The following PRKCB variants were observed in gnomAD, a reference collection of about 807,000 sequenced individuals.
PRKCB encodes the protein protein kinase C beta type.
PRKCB carries 13 observed loss-of-function variants against 81.5 expected under a neutral mutation model. The observed-to-expected ratio is 0.16, with a 90% CI of 0.10 to 0.25. The LOEUF (loss-of-function observed/expected upper bound fraction) is 0.25. PRKCB is among the 10% of genes least tolerant of loss of function. PRKCB has a pLI of 1.00. For synonymous variants in PRKCB, 335 were observed against 321.4 expected, an observed-to-expected ratio of 1.04 and a Z score of -0.45; for missense variants, 509 against 875.7, an observed-to-expected ratio of 0.58 and a Z score of 5.29.
At chr16:24,050,614 A>T (rs1374231437) in intron 5 of PRKCB, among the ~76,000 whole-genome samples, 1 of 152,016 alleles carries the variant, frequency 6.6e-6, no homozygotes, top group East Asian at 1.9e-4. Context: ...ACTCTGATAC[A>T]TTCTCCTCTC....
intron 2 of PRKCB, among the ~76,000 whole-genome samples, chr16:23,902,954 C>G (rs1963505617): frequency 6.6e-6 from 1 of 150,394 alleles, no homozygotes; most frequent in Admixed American, 6.7e-5. Flanking sequence ...CAGGCATAAG[C>G]CATCATGTCT....
chr16:24,094,054 C>T (rs1308624019), intron 6 of PRKCB, 109 bp from the exon 7 acceptor site: 4 of 1,241,842 alleles, frequency 3.2e-6, no homozygotes, highest in African/African-American at 3.0e-5. Context: ...CTTTCAGCAG[C>T]TTGTAATCTT....
chr16:24,210,538 G>A (rs1476840084), intron 16 of PRKCB, among the ~76,000 whole-genome samples: 1 of 148,262 alleles, frequency 6.7e-6, no homozygotes, highest in Non-Finnish European at 1.5e-5. Context: ...TCATTCTGTC[G>A]CCCAGGCTGG....
chr16:24,217,973 C>T lies in PRKCB; in HGVS notation c.*3157C>T, dbSNP rs747845818. On this transcript the variant is annotated 3_prime_UTR_variant, in exon 17 of 17. Coordinates refer to ENST00000643927, the MANE Select transcript of PRKCB (RefSeq NM_002738.7). ...TTGCCTCAGAGTAAAGTTTCTGGCTCGGGGACAATTATAAGTTGCAAAAAG... is the reference window on the plus strand; with the variant it reads ...TTGCCTCAGAGTAAAGTTTCTGGCTTGGGGACAATTATAAGTTGCAAAAAG... 9.1e-6 allele frequency: 9 copies of T among 985,114 alleles called. No individual in the cohort carries two copies. The highest frequency in any genetic ancestry group is 5.2e-5 in the African/African-American group (3 of 57,156). The allele number at this position is 985,114 out of a possible 1,614,324, so 61.0% of individuals were successfully genotyped here.
Position 24,219,990 on chromosome 16 carries a change from C to T in PRKCB, c.*5174C>T. 1 of 1,614,136 alleles carries T rather than the reference C, an allele frequency of 6.2e-7. No individual in the cohort carries two copies. On this transcript the variant is annotated 3_prime_UTR_variant, in exon 17 of 17. Transcript: ENST00000643927. ...ACAAGAGAGACACCTCCAACTTCGACAAAGAGTTCACCAGACAGCCTGTGG... is the reference window on the plus strand; with the variant it reads ...ACAAGAGAGACACCTCCAACTTCGATAAAGAGTTCACCAGACAGCCTGTGG...
intron 2 of PRKCB, among the ~76,000 whole-genome samples, chr16:23,946,764 G>A (rs979531044): frequency 6.6e-5 from 10 of 152,230 alleles, no homozygotes; most frequent in African/African-American, 1.2e-4. Context: ...GGGAGGGGCC[G>A]GGCCTGGAAT....
At position 24,219,767 on chromosome 16, in the gene PRKCB, A is replaced by G; in HGVS notation, c.*4951A>G. 7.1e-7 allele frequency: 1 copy of G among 1,400,288 alleles called. No homozygotes were observed. Among genetic ancestry groups the G allele is most frequent in the East Asian group, 2.6e-5 (1 of 38,850 alleles). The allele number at this position is 1,400,288 out of a possible 1,614,324, so 86.7% of individuals were successfully genotyped here. Reference sequence around the variant, plus strand: ...CTTCTTTTCTTAGAAAATTTCCACCACATTTCTATCCCCAAGCCAACATAC... The same window carrying G: ...CTTCTTTTCTTAGAAAATTTCCACCGCATTTCTATCCCCAAGCCAACATAC... On this transcript the variant is annotated 3_prime_UTR_variant, in exon 17 of 17. Transcript: ENST00000643927.
In PRKCB at chr16:24,219,182, C is replaced by T. The variant is rs1968280348; in HGVS notation, c.*4366C>T. 1.0e-6 allele frequency: 1 copy of T among 981,472 alleles called. No homozygotes were observed. The highest frequency in any genetic ancestry group is 1.2e-6 in the Non-Finnish European group (1 of 827,656). The allele number at this position is 981,472 out of a possible 1,614,324, so 60.8% of individuals were successfully genotyped here. On this transcript the variant is annotated 3_prime_UTR_variant, in exon 17 of 17. Coordinates refer to ENST00000643927, the MANE Select transcript of PRKCB (RefSeq NM_002738.7). ...TAAATGGGGGTTAATTTCTTCTCCA[C>T]CTCCCTACTGAACAAAAAAAGAAAT...
chr16:23,883,424 G>T (rs1302110888), intron 2 of PRKCB, among the ~76,000 whole-genome samples: 1 of 152,250 alleles, frequency 6.6e-6, no homozygotes, highest in East Asian at 1.9e-4. Context: ...TGGTGGGTGT[G>T]GGGCCAGATC....
At chr16:24,068,828 G>A (rs1332738191) in intron 5 of PRKCB, among the ~76,000 whole-genome samples, 1 of 152,216 alleles carries the variant, frequency 6.6e-6, no homozygotes, top group South Asian at 2.1e-4. Context: ...GTGATAGAGT[G>A]AGGAATCCTC....
chr16:23,894,950 G>GT (rs914836443), intron 2 of PRKCB, among the ~76,000 whole-genome samples: 3 of 151,780 alleles, frequency 2.0e-5, no homozygotes, highest in Non-Finnish European at 4.4e-5. Flanking sequence ...ATCTTTTCTT[G>GT]TTTTTTAATG....
chr16:23,886,406 GTTTTTT>G (rs398029038), intron 2 of PRKCB, among the ~76,000 whole-genome samples: 11 of 70,224 alleles, frequency 1.6e-4, no homozygotes, highest in African/African-American at 3.9e-4. Flanking sequence ...TGTGTTAGGT[GTTTTTT>G]TTTTTTTTTT....
At chr16:23,898,575 A>G (rs1422208205) in intron 2 of PRKCB, among the ~76,000 whole-genome samples, 1 of 152,150 alleles carries the variant, frequency 6.6e-6, no homozygotes, top group Non-Finnish European at 1.5e-5. Flanking sequence ...CATGTGTATT[A>G]AGGCTATCGG....
intron 5 of PRKCB, among the ~76,000 whole-genome samples, chr16:24,036,762 G>GA (rs2141858553): frequency 6.6e-6 from 1 of 152,256 alleles, no homozygotes; most frequent in Non-Finnish European, 1.5e-5. Context: ...GGCCCCAGGG[G>GA]AAATCCCGCA....
At chr16:24,059,669 A>G (rs1965947406) in intron 5 of PRKCB, among the ~76,000 whole-genome samples, 1 of 152,118 alleles carries the variant, frequency 6.6e-6, no homozygotes, top group African/African-American at 2.4e-5. Context: ...CCTATCTCGA[A>G]TAATAATTAT....
intron 2 of PRKCB, among the ~76,000 whole-genome samples, chr16:23,971,715 C>T (rs1276144763): frequency 6.6e-6 from 1 of 152,062 alleles, no homozygotes; most frequent in Non-Finnish European, 1.5e-5. Context: ...GGGACTATAC[C>T]TTTAGCTTTA....
intron 16 of PRKCB, chr16:24,208,327 C>G (rs1047355460): frequency 3.3e-5 from 5 of 152,170 alleles, no homozygotes; most frequent in Admixed American, 3.3e-4. Flanking sequence ...GGTGACCAAG[C>G]CAACTCCACA....
chr16:23,914,783 C>T (rs1473874403), intron 2 of PRKCB, among the ~76,000 whole-genome samples: 1 of 152,188 alleles, frequency 6.6e-6, no homozygotes, highest in Non-Finnish European at 1.5e-5. Flanking sequence ...GGGGAGGAGG[C>T]TGCCTGTAGT....
chr16:23,912,732 C>T (rs970885145), intron 2 of PRKCB, among the ~76,000 whole-genome samples: 2 of 151,328 alleles, frequency 1.3e-5, no homozygotes, highest in African/African-American at 2.4e-5. Flanking sequence ...AGGCTGGTCT[C>T]GAACTCCTGA....
Sources: gnomAD v4.1 joint callset for allele counts (sites outside exome capture counted in the v4.1 genomes callset) on GRCh38, gnomAD v4.1.1 for gene constraint, MANE v1.5 for transcripts, NCBI Gene and HGNC (gene_info 2026-07-23, HGNC 2026-07-21) for gene names.